The following SOX5 variants were observed in gnomAD, a reference collection of about 807,000 sequenced individuals.
The protein encoded by SOX5 is SRY-box transcription factor 5, also known as transcription factor SOX-5.
In SOX5, 9 loss-of-function variants were observed where a neutral mutation model predicts 92.0. The ratio of observed to expected loss-of-function variants is 0.10; its 90% CI spans 0.06 to 0.17. The LOEUF (loss-of-function observed/expected upper bound fraction) is 0.17, where lower values mean the gene tolerates loss of function less well. SOX5 is among the 10% of genes least tolerant of loss of function. The pLI is 1.00. For synonymous variants in SOX5, 344 were observed against 336.3 expected (o/e 1.02, Z -0.25); for missense variants, 642 against 944.5 (o/e 0.68, Z 4.20).
intron 1 of SOX5, among the ~76,000 whole-genome samples, chr12:24,428,198 A>C (rs1442591800): frequency 2.0e-5 from 3 of 149,264 alleles, no homozygotes; most frequent in Admixed American, 6.7e-5. Flanking sequence ...AAGAGGTAAA[A>C]CAAACCCAAA....
In SOX5 at chr12:23,843,090, T is replaced by C. The variant is rs571663769; in HGVS notation, c.481+2893A>G. Among the ~76,000 whole-genome samples the C allele has an allele frequency of 1.3e-5, 2 of 152,266 alleles. 1 individual carries two copies. Among genetic ancestry groups the C allele is most frequent in the African/African-American group, 4.8e-5 (2 of 41,556 alleles). On this transcript the variant is annotated intron_variant, in intron 3 of 14. Transcript: ENST00000451604. ...TCCCAAATCTCCAAATCTCATCTGA[T>C]TGAGACAAACATTAGACAAATTCCA...
At chr12:24,171,603 G>A (rs1337263823) in intron 4 of SOX5, among the ~76,000 whole-genome samples, 2 of 152,074 alleles carry the variant, frequency 1.3e-5, no homozygotes, top group African/African-American at 4.8e-5. Context: ...AGACAGAAAC[G>A]GCTTTCATAT....
At chr12:23,688,814 CT>C (rs2088155307) in intron 6 of SOX5, among the ~76,000 whole-genome samples, 1 of 152,030 alleles carries the variant, frequency 6.6e-6, no homozygotes, top group African/African-American at 2.4e-5. Context: ...GTCAGGAATT[CT>C]TTCTTGTGTG....
At chr12:23,570,114 A>AC (rs1947891156) in intron 10 of SOX5, among the ~76,000 whole-genome samples, 1 of 152,202 alleles carries the variant, frequency 6.6e-6, no homozygotes, top group African/African-American at 2.4e-5. Context: ...TGCCACACAA[A>AC]TCTTATTTAC....
intron 10 of SOX5, among the ~76,000 whole-genome samples, chr12:23,573,455 C>T (rs1165466345): frequency 1.3e-5 from 2 of 152,070 alleles, no homozygotes; most frequent in African/African-American, 4.8e-5. Context: ...ATTAAATAAT[C>T]CCTCTTTTTT....
intron 4 of SOX5, among the ~76,000 whole-genome samples, chr12:23,993,590 A>T (rs1328269880): frequency 6.6e-6 from 1 of 152,188 alleles, no homozygotes; most frequent in African/African-American, 2.4e-5. Flanking sequence ...CATCCCCAAC[A>T]TACTCCTCCA....
At chr12:23,973,433 A>G (rs1948577851) in intron 4 of SOX5, among the ~76,000 whole-genome samples, 1 of 152,130 alleles carries the variant, frequency 6.6e-6, no homozygotes. Context: ...TGCTGGGATT[A>G]CAGGTGTGAG....
chr12:23,853,543 G>GGTTTTTTTTTTTTTTTT, intron 2 of SOX5, among the ~76,000 whole-genome samples: 1 of 129,046 alleles, frequency 7.7e-6, no homozygotes, highest in African/African-American at 2.8e-5. Context: ...TGTCTAACGT[G>GGTTTTTTTTTTTTTTTT]TTTTTTTTTT....
intron 1 of SOX5, among the ~76,000 whole-genome samples, chr12:23,913,128 A>T (rs948042675): frequency 6.6e-6 from 1 of 152,140 alleles, no homozygotes; most frequent in Non-Finnish European, 1.5e-5. Context: ...GCTGAACTAG[A>T]ATTTGGCGCT....
chr12:24,325,943 T>G (rs1950639450), intron 2 of SOX5, among the ~76,000 whole-genome samples: 1 of 152,218 alleles, frequency 6.6e-6, no homozygotes, highest in African/African-American at 2.4e-5. Context: ...TGTTCGGTAC[T>G]TGGCATTTGC....
intron 4 of SOX5, among the ~76,000 whole-genome samples, chr12:23,956,030 G>A (rs1409400732): frequency 1.3e-5 from 2 of 152,150 alleles, no homozygotes; most frequent in African/African-American, 4.8e-5. Context: ...CACCGTGAAT[G>A]TATACATTTC....
intron 1 of SOX5, among the ~76,000 whole-genome samples, chr12:24,483,101 T>C (rs190034969): frequency 1.3e-5 from 2 of 152,344 alleles, no homozygotes; most frequent in African/African-American, 4.8e-5. Flanking sequence ...AAATGACACT[T>C]ATTTTCAACA....
intron 4 of SOX5, among the ~76,000 whole-genome samples, chr12:23,749,489 A>G (rs1272876473): frequency 1.3e-5 from 2 of 151,914 alleles, no homozygotes; most frequent in Non-Finnish European, 2.9e-5. Flanking sequence ...TTTCCATGTT[A>G]AGGGTGACAC....
At chr12:23,666,992 TA>T (rs1351993368) in intron 6 of SOX5, among the ~76,000 whole-genome samples, 1 of 152,124 alleles carries the variant, frequency 6.6e-6, no homozygotes, top group African/African-American at 2.4e-5. Context: ...ATTTCTCCTT[TA>T]TTTAATCTTC....
At chr12:23,661,904 A>T (rs1025436627) in intron 7 of SOX5, among the ~76,000 whole-genome samples, 1 of 152,190 alleles carries the variant, frequency 6.6e-6, no homozygotes, top group East Asian at 1.9e-4. Flanking sequence ...ATTATCCACA[A>T]ATATAATTAA....
intron 1 of SOX5, among the ~76,000 whole-genome samples, chr12:24,548,495 G>T (rs1254304506): frequency 1.3e-5 from 2 of 152,196 alleles, no homozygotes; most frequent in Admixed American, 1.3e-4. Flanking sequence ...GTATGTATAT[G>T]TAGACACGAG....
At chr12:23,541,107 G>T (rs866938600) in intron 13 of SOX5, among the ~76,000 whole-genome samples, 77 of 152,050 alleles carry the variant, frequency 5.1e-4, no homozygotes, top group African/African-American at 1.7e-3. Context: ...CTTTCATGTT[G>T]TCTATTATAA....
At chr12:24,165,842 T>C (rs1953340314) in intron 4 of SOX5, among the ~76,000 whole-genome samples, 1 of 152,082 alleles carries the variant, frequency 6.6e-6, no homozygotes, top group South Asian at 2.1e-4. Context: ...GAAGCCATGC[T>C]AAGGAGTTTA....
At chr12:24,371,651 C>G (rs1956754103) in intron 1 of SOX5, among the ~76,000 whole-genome samples, 1 of 152,180 alleles carries the variant, frequency 6.6e-6, no homozygotes, top group Non-Finnish European at 1.5e-5. Flanking sequence ...CTTGTACCCA[C>G]TCTGAATAAC....
Sources: allele counts gnomAD v4.1 joint callset (sites outside exome capture counted in the v4.1 genomes callset), GRCh38; gene constraint gnomAD v4.1.1; transcripts MANE v1.5; gene names NCBI Gene and HGNC (gene_info 2026-07-23, HGNC 2026-07-21).